Variants in CUX2 observed in about 807,000 individuals in gnomAD.
CUX2 encodes the protein homeobox protein cut-like 2.
CUX2 carries 40 observed loss-of-function variants against 144.8 expected under a neutral mutation model. That is an observed-to-expected ratio of 0.28 (90% CI 0.21 to 0.36). The LOEUF (loss-of-function observed/expected upper bound fraction) is 0.36. Ranked by LOEUF, CUX2 falls within the 10% of genes least tolerant of loss-of-function variation. CUX2 has a pLI of 1.00. For synonymous variants in CUX2, 827 were observed against 875.6 expected (o/e 0.94, Z 0.98); for missense variants, 1,615 against 1,994.0 (o/e 0.81, Z 3.62).
chr12:111,040,157 C>T (rs1015749997), intron 1 of CUX2, among the ~76,000 whole-genome samples: 9 of 152,012 alleles, frequency 5.9e-5, no homozygotes, highest in African/African-American at 1.4e-4. Flanking sequence ...CATGGTGGCA[C>T]CTGCCTGCAG....
intron 1 of CUX2, among the ~76,000 whole-genome samples, chr12:111,137,375 TGTC>T (rs1350802103): frequency 0.014 from 2,061 of 152,280 alleles, 47 homozygotes; most frequent in African/African-American, 0.047. Flanking sequence ...TTGTTGATGT[TGTC>T]GTTGTTGTTG....
intron 1 of CUX2, among the ~76,000 whole-genome samples, chr12:111,199,794 TTGTG>T (rs1880465569): frequency 1.3e-5 from 2 of 152,106 alleles, no homozygotes; most frequent in Admixed American, 6.5e-5. Context: ...TTCTGTGTGT[TTGTG>T]TGTTACATGT....
chr12:111,152,798 A>T (rs142380727), intron 1 of CUX2, among the ~76,000 whole-genome samples: 5 of 152,088 alleles, frequency 3.3e-5, no homozygotes, highest in Admixed American at 3.3e-4. Context: ...CGGGGGAAGG[A>T]GGTGTTAGCT....
At chr12:111,145,110 T>C (rs533020494) in intron 1 of CUX2, among the ~76,000 whole-genome samples, 76 of 152,228 alleles carry the variant, frequency 5.0e-4, no homozygotes, top group Middle Eastern at 3.2e-3. Context: ...TTCTGATCCC[T>C]GCAACCCTCT....
intron 4 of CUX2, among the ~76,000 whole-genome samples, chr12:111,283,260 C>T (rs1185725602): frequency 6.6e-6 from 1 of 151,858 alleles, no homozygotes; most frequent in Non-Finnish European, 1.5e-5. Flanking sequence ...ACATGGGGGG[C>T]AGGTTAGGCC....
chr12:111,337,442 T>C (rs1470040096), intron 19 of CUX2, among the ~76,000 whole-genome samples: 1 of 152,222 alleles, frequency 6.6e-6, no homozygotes, highest in Non-Finnish European at 1.5e-5. Flanking sequence ...CCGCATTCTT[T>C]TTCACCACTG....
intron 1 of CUX2, among the ~76,000 whole-genome samples, chr12:111,040,811 A>C (rs947260664): frequency 6.6e-6 from 1 of 152,194 alleles, no homozygotes; most frequent in Non-Finnish European, 1.5e-5. Context: ...CATTAGCATG[A>C]AACAGCCACA....
At chr12:111,142,529 G>GAAA (rs200266878) in intron 1 of CUX2, among the ~76,000 whole-genome samples, 3 of 107,196 alleles carry the variant, frequency 2.8e-5, no homozygotes, top group African/African-American at 2.9e-5. Flanking sequence ...GTCAGGGAAG[G>GAAA]AAAAAAAAAA....
At chr12:111,213,601 G>A (rs1021994648) in intron 1 of CUX2, among the ~76,000 whole-genome samples, 6 of 152,064 alleles carry the variant, frequency 3.9e-5, no homozygotes, top group Admixed American at 6.6e-5. Context: ...GATTTACTGC[G>A]AGATACACAA....
At chr12:111,112,342 G>A (rs1231003367) in intron 1 of CUX2, among the ~76,000 whole-genome samples, 2 of 152,188 alleles carry the variant, frequency 1.3e-5, no homozygotes, top group Non-Finnish European at 2.9e-5. Context: ...ACCTGGGTTT[G>A]ACTGGTGGAA....
At chr12:111,132,755 A>G (rs906978792) in intron 1 of CUX2, among the ~76,000 whole-genome samples, 2 of 151,566 alleles carry the variant, frequency 1.3e-5, no homozygotes, top group Non-Finnish European at 2.9e-5. Flanking sequence ...TTTATTAGAG[A>G]TGGGGTTTCA....
chr12:111,078,192 C>T (rs1018463075), intron 1 of CUX2, among the ~76,000 whole-genome samples: 2 of 152,232 alleles, frequency 1.3e-5, no homozygotes, highest in South Asian at 2.1e-4. Flanking sequence ...CGGCACCAGA[C>T]TAGGCATCGG....
intron 3 of CUX2, among the ~76,000 whole-genome samples, chr12:111,241,402 A>G (rs889158776): frequency 1.2e-4 from 19 of 152,220 alleles, no homozygotes; most frequent in African/African-American, 3.9e-4. Context: ...GCAGAGCCCA[A>G]TAGTCTGCAG....
In CUX2 at chr12:111,347,507, C is replaced by A; in HGVS notation, c.3660-17C>A. 6.4e-7 allele frequency: 1 copy of A among 1,567,510 alleles called. No homozygotes were observed. Among genetic ancestry groups the A allele is most frequent in the Non-Finnish European group, 8.6e-7 (1 of 1,159,872 alleles). ...GTCCCCTGTCCAGCCCCAGGCTCAC[C>A]GCCGTCTCTGCCCCAGGTCCCGGAT... is the stretch of plus-strand genomic sequence containing the variant. On this transcript the variant is annotated splice_polypyrimidine_tract_variant and intron_variant, in intron 21 of 21. Coordinates refer to ENST00000261726, the MANE Select transcript of CUX2 (RefSeq NM_015267.4).
chr12:111,183,351 G>A (rs1592812795), intron 1 of CUX2, among the ~76,000 whole-genome samples: 1 of 152,216 alleles, frequency 6.6e-6, no homozygotes, highest in Admixed American at 6.5e-5. Context: ...CATCTTCATG[G>A]GCATAGAGCT....
intron 1 of CUX2, among the ~76,000 whole-genome samples, chr12:111,146,474 T>C (rs991702704): frequency 6.6e-6 from 1 of 152,164 alleles, no homozygotes; most frequent in Non-Finnish European, 1.5e-5. Context: ...CCCCACCCAG[T>C]CTGTGATACT....
rs1436378228 is a variant in CUX2, at chr12:111,160,352, C to T, written c.64-53848C>T. 6.6e-6 allele frequency among the ~76,000 whole-genome samples: 1 copy of T among 151,928 alleles called. No homozygotes were observed. On this transcript the variant is annotated intron_variant, in intron 1 of 21. Transcript: ENST00000261726. The surrounding 1 kb of genome is among the most constrained non-coding windows in gnomAD (Gnocchi z 4.1). ...GTGTCTGGCCTGTGTGTGCAGGGTG[C>T]GTGTCAGAGTGTGTATGGGCAAGCA...
In CUX2 at chr12:111,301,986, T is replaced by C. The variant is rs571203902; in HGVS notation, c.754-2224T>C. On this transcript the variant is annotated intron_variant, in intron 9 of 21. Coordinates refer to ENST00000261726, the MANE Select transcript of CUX2 (RefSeq NM_015267.4). Reference sequence around the variant, plus strand: ...GATCTCAGCTTTCAATCAGATATGCTCAGGGTTCCCTAACTGTACAGAAAC... The same window carrying C: ...GATCTCAGCTTTCAATCAGATATGCCCAGGGTTCCCTAACTGTACAGAAAC... 2.6e-5 allele frequency among the ~76,000 whole-genome samples: 4 copies of C among 152,352 alleles called. No homozygotes were observed. The South Asian group carries it at 8.3e-4, about 32-fold the overall frequency.
rs1396724386 is a variant in CUX2, at chr12:111,034,260, G to C, written c.63+20G>C. ...CTCCAGGTTAGTGCGGGCAGCGCCG[G>C]CCGCGCGGCCGTGAGGAGCCCCCGG... On this transcript the variant is annotated intron_variant, in intron 1 of 21. Coordinates refer to ENST00000261726, the MANE Select transcript of CUX2 (RefSeq NM_015267.4). The surrounding 1 kb of genome is among the most constrained non-coding windows in gnomAD (Gnocchi z 4.2). 7.5e-7 allele frequency: 1 copy of C among 1,330,756 alleles called. No homozygotes were observed. The highest frequency in any genetic ancestry group is 9.9e-7 in the Non-Finnish European group (1 of 1,008,160). The allele number at this position is 1,330,756 out of a possible 1,614,324, so 82.4% of individuals were successfully genotyped here.
Sources: gnomAD v4.1 joint callset for allele counts (sites outside exome capture counted in the v4.1 genomes callset) on GRCh38, gnomAD v4.1.1 for gene constraint, Gnocchi (gnomAD v3.1) non-coding constraint, MANE v1.5 for transcripts, NCBI Gene and HGNC (gene_info 2026-07-23, HGNC 2026-07-21) for gene names.